NCOA7: variants seen among roughly 807,000 people sequenced by gnomAD.
The protein encoded by NCOA7 is 140 kDa estrogen receptor-associated protein.
Under a neutral mutation model 104.3 loss-of-function variants are expected in NCOA7, and 45 were observed. The ratio of observed to expected loss-of-function variants is 0.43; its 90% CI spans 0.34 to 0.55. The LOEUF is 0.55. Among genes scored for constraint, NCOA7 ranks in the 20% least tolerant of loss-of-function variants. The probability of loss-of-function intolerance (pLI) is 0.02; values close to 1 mark genes in which losing one functional copy is unlikely to be tolerated. For missense variants in NCOA7, 1,041 were observed against 1,119.7 expected (o/e 0.93, Z 1.00); for synonymous variants, 398 against 402.3 (o/e 0.99, Z 0.13).
At chr6:125,871,014 A>G (rs35295478) in intron 3 of NCOA7, among the ~76,000 whole-genome samples, 7,753 of 152,158 alleles carry the variant, frequency 0.051, 554 homozygotes, top group African/African-American at 0.16. Context: ...ACCAGGGAAA[A>G]CCTGCTCTGA....
At chr6:125,824,049 T>C (rs1357713962) in intron 2 of NCOA7, among the ~76,000 whole-genome samples, 1 of 152,128 alleles carries the variant, frequency 6.6e-6, no homozygotes, top group Non-Finnish European at 1.5e-5. Context: ...TGTTAGCATA[T>C]TGGGAGTGAG....
At chr6:125,813,988 A>G (rs1374136632) in intron 1 of NCOA7, among the ~76,000 whole-genome samples, 1 of 152,132 alleles carries the variant, frequency 6.6e-6, no homozygotes, top group East Asian at 1.9e-4. Context: ...GTCTCTCCTG[A>G]AAGACAATAT....
intron 13 of NCOA7, among the ~76,000 whole-genome samples, 182 bp from the exon 14 acceptor site, chr6:125,927,481 A>T (rs1322131957): frequency 6.6e-6 from 1 of 152,224 alleles, no homozygotes; most frequent in East Asian, 1.9e-4. Context: ...CTTGGGTTCC[A>T]GTTAGAGCTG....
chr6:125,812,871 G>C (rs1199873644), intron 1 of NCOA7, among the ~76,000 whole-genome samples: 1 of 152,084 alleles, frequency 6.6e-6, no homozygotes, highest in Admixed American at 6.6e-5. Flanking sequence ...TACTTTCCTT[G>C]TTATCTACAC....
At chr6:125,906,092 A>G (rs1785971472) in intron 10 of NCOA7, among the ~76,000 whole-genome samples, 3 of 152,222 alleles carry the variant, frequency 2.0e-5, no homozygotes, top group Middle Eastern at 3.4e-3. Context: ...CATGGAATTT[A>G]TGGATCCAGA....
chr6:125,847,389 A>G (rs1233929474), intron 2 of NCOA7, among the ~76,000 whole-genome samples: 1 of 152,224 alleles, frequency 6.6e-6, no homozygotes, highest in Non-Finnish European at 1.5e-5. Context: ...GTTCAATTTT[A>G]ACTAAATGTA....
chr6:125,885,057 A>G (rs1181268270), intron 7 of NCOA7, 102 bp from the exon 8 acceptor site: 2 of 1,206,996 alleles, frequency 1.7e-6, no homozygotes, highest in Non-Finnish European at 2.4e-6. Context: ...ACTGTGGTTC[A>G]CAAAGTCCAT....
Position 125,785,230 on chromosome 6 carries a change from C to T in NCOA7, c.-141-907C>T, listed in dbSNP as rs540552674. On this transcript the variant is annotated intron_variant, in intron 1 of 16. Transcript: ENST00000368357. ...GTGGGCGCCTGTAATCGCAGCTACTCGGGAAGCTAAGGCAGGAGAATTGCT... is the reference window on the plus strand; with the variant it reads ...GTGGGCGCCTGTAATCGCAGCTACTTGGGAAGCTAAGGCAGGAGAATTGCT... 3.9e-5 allele frequency among the ~76,000 whole-genome samples: 6 copies of T among 152,110 alleles called. 1 individual carries two copies. The South Asian group carries it at 1.0e-3, about 26-fold the overall frequency.
At chr6:125,857,323 C>T (rs1416580407) in intron 3 of NCOA7, among the ~76,000 whole-genome samples, 3 of 151,382 alleles carry the variant, frequency 2.0e-5, no homozygotes, top group African/African-American at 4.9e-5. Context: ...CTGCAACCTC[C>T]GACTTCAGGG....
chr6:125,834,156 T>C (rs567425680), intron 2 of NCOA7, among the ~76,000 whole-genome samples: 1 of 151,498 alleles, frequency 6.6e-6, no homozygotes, highest in South Asian at 2.1e-4. Context: ...TTTTTGTTTT[T>C]GTTTTAATAA....
chr6:125,894,009 C>T (rs1196646476), intron 10 of NCOA7, among the ~76,000 whole-genome samples: 1 of 152,174 alleles, frequency 6.6e-6, no homozygotes, highest in Non-Finnish European at 1.5e-5. Flanking sequence ...GTTTCCACAA[C>T]TCTACTTATA....
chr6:125,900,081 G>T (rs527758586), intron 10 of NCOA7: 78 of 530,532 alleles, frequency 1.5e-4, no homozygotes, highest in South Asian at 1.1e-3. Flanking sequence ...CTGTGGAATG[G>T]GGGTAAAGGA....
At chr6:125,844,890 A>G (rs1780468427) in intron 2 of NCOA7, among the ~76,000 whole-genome samples, 1 of 152,214 alleles carries the variant, frequency 6.6e-6, no homozygotes, top group African/African-American at 2.4e-5. Flanking sequence ...ACTTTTGTTT[A>G]TTAAGCTCTT....
chr6:125,923,761 T>C (rs1787788601), intron 13 of NCOA7, among the ~76,000 whole-genome samples: 1 of 152,192 alleles, frequency 6.6e-6, no homozygotes, highest in African/African-American at 2.4e-5. Flanking sequence ...TTGGGGAGCT[T>C]ACTGTGAAGC....
Position 125,873,366 on chromosome 6 carries a change from A to G in NCOA7, c.272-1523A>G, listed in dbSNP as rs1194280680. 2.0e-5 allele frequency among the ~76,000 whole-genome samples: 3 copies of G among 152,284 alleles called. No individual in the cohort carries two copies. In the East Asian group the frequency reaches 5.8e-4, roughly 29 times the overall value. On this transcript the variant is annotated intron_variant, in intron 3 of 15. Transcript: ENST00000392477. ...TATAGGTTTTTATTTTTATGTACCTATGAAAATTATTTATGTGTTTTTTTT... is the reference window on the plus strand; with the variant it reads ...TATAGGTTTTTATTTTTATGTACCTGTGAAAATTATTTATGTGTTTTTTTT...
intron 10 of NCOA7, among the ~76,000 whole-genome samples, chr6:125,905,183 A>G (rs77409663): frequency 2.3e-4 from 35 of 152,230 alleles, no homozygotes; most frequent in African/African-American, 8.2e-4. Flanking sequence ...TGACTGAGAT[A>G]CTGCTGATGT....
At chr6:125,850,071 C>G (rs772856523) in intron 2 of NCOA7, among the ~76,000 whole-genome samples, 3 of 152,134 alleles carry the variant, frequency 2.0e-5, no homozygotes, top group Non-Finnish European at 4.4e-5. Flanking sequence ...GACGTAAAAA[C>G]AAAAGGTAAG....
rs192644517 is a variant in NCOA7, at chr6:125,854,949, G to T, written c.51-71G>T. The T allele has an allele frequency of 4.2e-4, 437 of 1,034,822 alleles. 1 individual carries two copies. In the African/African-American group the frequency reaches 6.5e-3, roughly 15 times the overall value. 64.1% of individuals were successfully genotyped at this position (1,034,822 alleles called of 1,614,324 possible). On this transcript the variant is annotated intron_variant, in intron 2 of 15. Transcript: ENST00000392477. The stretch of plus-strand genomic sequence containing the variant: ...TCATTAGTTTTCAAAGTCCAGCAGC[G>T]TGAAATTAATATGATTTCTACCAGC...
intron 2 of NCOA7, among the ~76,000 whole-genome samples, chr6:125,852,485 G>A (rs917343170): frequency 2.6e-5 from 4 of 152,058 alleles, no homozygotes; most frequent in Admixed American, 6.6e-5. Context: ...GAGCCACCGC[G>A]CCCAGCCCAG....
Sources: allele counts gnomAD v4.1 joint callset (sites outside exome capture counted in the v4.1 genomes callset), GRCh38; gene constraint gnomAD v4.1.1; transcripts MANE v1.5; gene names NCBI Gene and HGNC (gene_info 2026-07-23, HGNC 2026-07-21).